GPC6: variants seen among roughly 807,000 people sequenced by gnomAD.
GPC6 encodes the protein glypican 6.
GPC6 carries 14 observed loss-of-function variants against 55.2 expected under a neutral mutation model. That is an observed-to-expected ratio of 0.25 (90% confidence interval 0.17 to 0.40). The LOEUF is 0.40. Ranked by LOEUF, GPC6 falls within the 10% of genes least tolerant of loss-of-function variation. The pLI is 1.00. For synonymous variants in GPC6, 278 were observed against 259.6 expected (o/e 1.07, Z -0.68); for missense variants, 641 against 708.5 (o/e 0.90, Z 1.08).
At chr13:94,097,086 A>C (rs887547423) in intron 4 of GPC6, among the ~76,000 whole-genome samples, 3 of 151,692 alleles carry the variant, frequency 2.0e-5, no homozygotes, top group Non-Finnish European at 4.4e-5. Flanking sequence ...ACACACAGTA[A>C]GTGCTCAAGT....
chr13:94,184,174 G>A (rs1889093358), intron 4 of GPC6, among the ~76,000 whole-genome samples: 2 of 152,026 alleles, frequency 1.3e-5, no homozygotes, highest in African/African-American at 2.4e-5. Flanking sequence ...TCTAAAAATC[G>A]TAGAAGAAAA....
chr13:94,346,560 A>G (rs1326516771), intron 6 of GPC6, among the ~76,000 whole-genome samples: 1 of 152,060 alleles, frequency 6.6e-6, no homozygotes, highest in East Asian at 1.9e-4. Context: ...TCTCTACTAA[A>G]AATACAAAAA....
intron 2 of GPC6, among the ~76,000 whole-genome samples, chr13:93,826,096 GT>G (rs1887234997): frequency 6.6e-6 from 1 of 151,846 alleles, no homozygotes; most frequent in African/African-American, 2.4e-5. Flanking sequence ...CTGACCTCAG[GT>G]GATCTGCCCA....
At chr13:93,745,883 ATG>A (rs1884380751) in intron 2 of GPC6, among the ~76,000 whole-genome samples, 1 of 152,248 alleles carries the variant, frequency 6.6e-6, no homozygotes, top group Non-Finnish European at 1.5e-5. Flanking sequence ...CAAGCCAGTA[ATG>A]GCCATCACAT....
At chr13:94,189,970 G>C (rs1889332436) in intron 4 of GPC6, among the ~76,000 whole-genome samples, 1 of 146,288 alleles carries the variant, frequency 6.8e-6, no homozygotes, top group South Asian at 2.2e-4. Flanking sequence ...GCAGTGATCC[G>C]AGATCACGCC....
In GPC6 at chr13:93,287,979, A is replaced by G. The variant is rs769983689; in HGVS notation, c.160+60363A>G. On this transcript the variant is annotated intron_variant, in intron 1 of 8. Transcript: ENST00000377047. ...TGCTCCTAAGCAATCTCTTGATTTC[A>G]TTGCATTTTGTTAAACTGTTTTTAA... 5.0e-4 allele frequency among the ~76,000 whole-genome samples: 76 copies of G among 152,172 alleles called. 2 individuals are homozygous for G. Among genetic ancestry groups the G allele is most frequent in the Admixed American group, 4.6e-4 (7 of 15,282 alleles).
chr13:94,279,376 CA>C (rs58007143), intron 4 of GPC6, among the ~76,000 whole-genome samples: 79,332 of 138,626 alleles, frequency 0.57, 22,131 homozygotes, highest in East Asian at 0.67. Context: ...TGATCTTTTT[CA>C]AAAAAAAAAA....
intron 4 of GPC6, among the ~76,000 whole-genome samples, chr13:94,266,155 TTTTTTTTTG>T (rs1261724335): frequency 1.6e-3 from 226 of 140,062 alleles, no homozygotes; most frequent in African/African-American, 5.9e-3. Context: ...TCTTTTCTTT[TTTTTTTTTG>T]TTTGTTTGTT....
chr13:94,024,521 A>G (rs1882819897), intron 3 of GPC6, among the ~76,000 whole-genome samples: 1 of 152,154 alleles, frequency 6.6e-6, no homozygotes, highest in African/African-American at 2.4e-5. Context: ...ATTTGTGAAC[A>G]TGAAAGCTTC....
chr13:93,351,763 C>A (rs543566245), intron 1 of GPC6, among the ~76,000 whole-genome samples: 2 of 152,086 alleles, frequency 1.3e-5, no homozygotes, highest in African/African-American at 4.8e-5. Context: ...ATAAACAAAA[C>A]AAAACACAAA....
intron 2 of GPC6, among the ~76,000 whole-genome samples, chr13:93,682,692 A>G (rs185832431): frequency 1.4e-4 from 21 of 152,152 alleles, no homozygotes; most frequent in Middle Eastern, 3.4e-3. Flanking sequence ...GAAAAAAAAT[A>G]TATACATCTT....
chr13:93,686,105 G>A, intron 2 of GPC6, among the ~76,000 whole-genome samples: 1 of 152,046 alleles, frequency 6.6e-6, no homozygotes, highest in East Asian at 1.9e-4. Flanking sequence ...TGATAAGTCA[G>A]CATTTATCTT....
intron 4 of GPC6, among the ~76,000 whole-genome samples, chr13:94,274,750 CTT>C (rs34886785): frequency 9.1e-4 from 135 of 148,088 alleles, no homozygotes; most frequent in Non-Finnish European, 8.0e-4. Context: ...ATATCAACAT[CTT>C]TTTTTTTTTT....
chr13:94,392,673 C>T (rs1050887251), intron 7 of GPC6, among the ~76,000 whole-genome samples: 32 of 144,382 alleles, frequency 2.2e-4, no homozygotes, highest in Non-Finnish European at 3.6e-4. Context: ...AGGTGATCCA[C>T]CCTCTTGGTC....
intron 2 of GPC6, among the ~76,000 whole-genome samples, chr13:93,784,989 C>T (rs1885777494): frequency 6.6e-6 from 1 of 152,010 alleles, no homozygotes; most frequent in Non-Finnish European, 1.5e-5. Flanking sequence ...AAGAAGTTGA[C>T]AGGAATAAAA....
intron 3 of GPC6, among the ~76,000 whole-genome samples, chr13:93,998,470 T>G (rs2140422227): frequency 6.6e-6 from 1 of 152,272 alleles, no homozygotes; most frequent in Admixed American, 6.5e-5. Flanking sequence ...AAGGTAAAGC[T>G]TATTGTTCTC....
At chr13:93,359,557 AAACTGC>A (rs1880975049) in intron 1 of GPC6, among the ~76,000 whole-genome samples, 1 of 152,344 alleles carries the variant, frequency 6.6e-6, no homozygotes, top group Middle Eastern at 3.4e-3. Context: ...TTGAATGTGC[AAACTGC>A]AATGGGGAAA....
In GPC6 at chr13:93,789,499, C is replaced by CTATA. The variant is rs1308196497; in HGVS notation, c.320-40654_320-40653insATAT. On this transcript the variant is annotated intron_variant, in intron 2 of 8. Transcript: ENST00000377047. ...GTGAGTGAACTCTCTCTCTCTCTCT[C>CTATA]TCTCTCTCTCTATATATATATATAT... 6.4e-5 allele frequency among the ~76,000 whole-genome samples: 5 copies of CTATA among 77,912 alleles called. No homozygotes were observed. In the East Asian group the frequency reaches 1.7e-3, roughly 27 times the overall value. The allele number at this position is 77,912 out of a possible 152,430, so 51.1% of individuals were successfully genotyped here.
intron 2 of GPC6, among the ~76,000 whole-genome samples, chr13:93,603,500 A>G (rs1253930644): frequency 6.6e-6 from 1 of 152,198 alleles, no homozygotes; most frequent in African/African-American, 2.4e-5. Context: ...ATAATATTTA[A>G]CTACATAGGT....
Sources: gnomAD v4.1 joint callset for allele counts (sites outside exome capture counted in the v4.1 genomes callset) on GRCh38, gnomAD v4.1.1 for gene constraint, MANE v1.5 for transcripts, NCBI Gene and HGNC (gene_info 2026-07-23, HGNC 2026-07-21) for gene names.